The following TINAG variants were observed in gnomAD, a reference collection of about 807,000 sequenced individuals.
TINAG encodes the protein tubulointerstitial nephritis antigen.
Under a neutral mutation model 72.7 loss-of-function variants are expected in TINAG, and 83 were observed. The observed-to-expected ratio is 1.14, with a 90% confidence interval of 0.96 to 1.37. The LOEUF (loss-of-function observed/expected upper bound fraction) is 1.37. Among genes scored for constraint, TINAG ranks in the 40% most tolerant of loss-of-function variants. TINAG has a pLI of 0.00. For synonymous variants in TINAG, 234 were observed against 189.9 expected, an observed-to-expected ratio of 1.23 and a Z score of -1.91; for missense variants, 685 against 576.6, an observed-to-expected ratio of 1.19 and a Z score of -1.93.
chr6:54,344,959 C>A (rs555591393), intron 5 of TINAG, among the ~76,000 whole-genome samples: 1 of 152,004 alleles, frequency 6.6e-6, no homozygotes, highest in Non-Finnish European at 1.5e-5. Flanking sequence ...CTCAGAGAAA[C>A]TAAAAGCTAT....
chr6:54,312,831 G>C (rs1309405568), intron 1 of TINAG, among the ~76,000 whole-genome samples: 1 of 152,140 alleles, frequency 6.6e-6, no homozygotes, highest in Non-Finnish European at 1.5e-5. Flanking sequence ...AGAGAGATGA[G>C]TGGTGGATGC....
At chr6:54,315,323 T>C (rs1784347146) in intron 1 of TINAG, among the ~76,000 whole-genome samples, 1 of 152,054 alleles carries the variant, frequency 6.6e-6, no homozygotes. Context: ...TTGGTAAATA[T>C]CTTCTTTCTG....
intron 4 of TINAG, among the ~76,000 whole-genome samples, chr6:54,331,605 C>A (rs1313931289): frequency 6.6e-6 from 1 of 152,136 alleles, no homozygotes; most frequent in East Asian, 1.9e-4. Context: ...GAAGTTCTGG[C>A]CAGGGCAATC....
At chr6:54,317,371 C>T (rs890347599) in intron 1 of TINAG, among the ~76,000 whole-genome samples, 3 of 151,948 alleles carry the variant, frequency 2.0e-5, no homozygotes, top group African/African-American at 7.2e-5. Context: ...GGGAGGGACC[C>T]AGTGAGAGGG....
chr6:54,341,165 T>C (rs1037465854), intron 4 of TINAG, among the ~76,000 whole-genome samples: 2 of 152,154 alleles, frequency 1.3e-5, no homozygotes, highest in African/African-American at 4.8e-5. Context: ...TCTGAAAACA[T>C]GAGGCGACTT....
At chr6:54,323,471 C>G (rs1048461582) in intron 3 of TINAG, among the ~76,000 whole-genome samples, 7 of 152,062 alleles carry the variant, frequency 4.6e-5, no homozygotes, top group Non-Finnish European at 1.0e-4. Context: ...TTAAAATAGC[C>G]TACATCAAAT....
intron 10 of TINAG, among the ~76,000 whole-genome samples, chr6:54,384,461 A>G (rs966021056): frequency 6.6e-6 from 1 of 152,188 alleles, no homozygotes; most frequent in Non-Finnish European, 1.5e-5. Context: ...AAAAGTCACT[A>G]TTTAAAATGA....
At chr6:54,373,685 G>C (rs547182812) in intron 9 of TINAG, among the ~76,000 whole-genome samples, 1 of 151,978 alleles carries the variant, frequency 6.6e-6, no homozygotes, top group Non-Finnish European at 1.5e-5. Context: ...AAATGAGCAC[G>C]AATATTCCAT....
At chr6:54,357,443 T>C (rs1763087854) in intron 9 of TINAG, among the ~76,000 whole-genome samples, 1 of 151,922 alleles carries the variant, frequency 6.6e-6, no homozygotes, top group African/African-American at 2.4e-5. Flanking sequence ...TTTGACATCA[T>C]CACCTGGATA....
At chr6:54,323,973 A>G (rs1178813968) in intron 3 of TINAG, among the ~76,000 whole-genome samples, 1 of 152,148 alleles carries the variant, frequency 6.6e-6, no homozygotes, top group Non-Finnish European at 1.5e-5. Context: ...AAAAAAACAA[A>G]TAATTTTTAT....
chr6:54,379,723 CTT>C (rs1763887796), intron 9 of TINAG, among the ~76,000 whole-genome samples: 1 of 151,582 alleles, frequency 6.6e-6, no homozygotes, highest in Non-Finnish European at 1.5e-5. Flanking sequence ...CAATTTATGA[CTT>C]TTAATTTCTT....
chr6:54,323,143 C>T (rs1030730049), intron 3 of TINAG, among the ~76,000 whole-genome samples: 12 of 152,156 alleles, frequency 7.9e-5, no homozygotes, highest in African/African-American at 1.9e-4. Context: ...GCATGCCCTA[C>T]GGCTGCTTAA....
intron 9 of TINAG, among the ~76,000 whole-genome samples, chr6:54,366,276 G>GTC (rs975166644): frequency 2.6e-5 from 4 of 151,478 alleles, no homozygotes; most frequent in African/African-American, 9.7e-5. Flanking sequence ...GTGTGTGTGT[G>GTC]TGAAAAGGAA....
chr6:54,342,059 T>TGG lies in TINAG; in HGVS notation c.625-1164_625-1163dup, dbSNP rs199853391. 2.6e-3 allele frequency among the ~76,000 whole-genome samples: 374 copies of TGG among 141,366 alleles called. 3 individuals carry two copies. Among genetic ancestry groups the TGG allele is most frequent in the African/African-American group, 8.7e-3 (334 of 38,606 alleles). 92.7% of individuals were successfully genotyped at this position (141,366 alleles called of 152,430 possible). ...ACTTGAAAGAATGCTCAGAAATGAT[T>TGG]GGGGTGTGTGTGTGTGTGTGTGTGA... On this transcript the variant is annotated intron_variant, in intron 4 of 10. Coordinates refer to ENST00000259782, the MANE Select transcript of TINAG (RefSeq NM_014464.4).
rs779896518 is a variant in TINAG, at chr6:54,389,807, G to A, written c.1313G>A (p.Trp438Ter). 6.3e-7 allele frequency: 1 copy of A among 1,588,148 alleles called. No individual in the cohort carries two copies. Among genetic ancestry groups the A allele is most frequent in the Non-Finnish European group, 8.5e-7 (1 of 1,170,718 alleles). Residue 438 changes from tryptophan to a stop codon, truncating the protein, a stop_gained, in exon 11 of 11, where the codon TGG (tryptophan) becomes TAG (stop). Coordinates refer to ENST00000259782, the MANE Select transcript of TINAG (RefSeq NM_014464.4). LOFTEE classifies it high-confidence loss of function. Reference sequence around the variant, plus strand: ...TTTCTGCAGATTGCTGCCAATTCCTGGGGAAAGTCATGGGGAGAGAATGGC... The same window carrying A: ...TTTCTGCAGATTGCTGCCAATTCCTAGGGAAAGTCATGGGGAGAGAATGGC... ...KEKFWIAANS[W>*]GKSWGENGYF...
Position 54,326,885 on chromosome 6 carries a change from G to T in TINAG, c.593G>T (p.Ser198Ile), listed in dbSNP as rs935652027. 6.2e-7 allele frequency: 1 copy of T among 1,612,796 alleles called. No individual in the cohort carries two copies. Among genetic ancestry groups the T allele is most frequent in the Non-Finnish European group, 8.5e-7 (1 of 1,179,808 alleles). ...TTTCGCCTTGGCACTTTGCCACCTA[G>T]TCCCATGCTCCTGAGCATGAATGAA... ...FKFRLGTLPPSPMLLSMNEMT... is the reference protein window; with the variant it reads ...FKFRLGTLPPIPMLLSMNEMT... Residue 198 changes from serine (S) to isoleucine (I), a missense_variant, in exon 4 of 11, where the codon AGT becomes ATT. Transcript: ENST00000259782.
At chr6:54,321,247 A>C in intron 2 of TINAG, 50 bp from the exon 3 acceptor site, 1 of 1,343,464 alleles carries the variant, frequency 7.4e-7, no homozygotes, top group Non-Finnish European at 1.1e-6. Flanking sequence ...ACTAATTGAA[A>C]TATACTTCAT....
chr6:54,308,614 C>A lies in TINAG; in HGVS notation c.64C>A (p.Gln22Lys), dbSNP rs757912159. 13 of 1,613,486 alleles carry A rather than the reference C, an allele frequency of 8.1e-6. No homozygotes were observed. The highest frequency in any genetic ancestry group is 1.1e-5 in the South Asian group (1 of 91,076). ...YLTTEIWMEK[Q>K]YLSQREVDLE... is the part of the protein sequence containing the mutation. ...TACTACAGAAATCTGGATGGAGAAG[C>A]AGTATTTATCTCAAAGAGAAGTGGA... The change falls in exon 1 of 11, where the codon CAG (glutamine) becomes AAG (lysine). Residue 22 changes from glutamine (Q) to lysine (K), a missense_variant. Gln to Lys is a moderately conservative substitution (Grantham distance 53). Coordinates refer to ENST00000259782, the MANE Select transcript of TINAG (RefSeq NM_014464.4).
chr6:54,389,706 A>G, intron 10 of TINAG, 85 bp from the exon 11 acceptor site: 2 of 1,471,240 alleles, frequency 1.4e-6, no homozygotes, highest in Non-Finnish European at 1.8e-6. Flanking sequence ...AAGGCATTTA[A>G]AGTTACAAAT....
Sources: gnomAD v4.1 joint callset for allele counts (sites outside exome capture counted in the v4.1 genomes callset) on GRCh38, gnomAD v4.1.1 for gene constraint, MANE v1.5 for transcripts, NCBI Gene and HGNC (gene_info 2026-07-23, HGNC 2026-07-21) for gene names.